HCN1: variants seen among roughly 807,000 people sequenced by gnomAD.
HCN1 encodes potassium/sodium hyperpolarization-activated cyclic nucleotide-gated channel 1.
A neutral mutation model predicts 78.9 loss-of-function variants in HCN1; 13 were observed. That is an observed-to-expected ratio of 0.16 (90% CI 0.11 to 0.26). The LOEUF (loss-of-function observed/expected upper bound fraction) is 0.26, where lower values mean the gene tolerates loss of function less well. Ranked by LOEUF, HCN1 falls within the 10% of genes least tolerant of loss-of-function variation. The probability of loss-of-function intolerance (pLI) is 1.00; values close to 1 mark genes in which losing one functional copy is unlikely to be tolerated. For synonymous variants in HCN1, 552 were observed against 455.5 expected (o/e 1.21, Z -2.70); for missense variants, 810 against 1,154.3 (o/e 0.70, Z 4.32).
rs180902621 is a variant in HCN1, at chr5:45,402,937, G to A, written c.1012-6227C>T. On this transcript the variant is annotated intron_variant, in intron 3 of 7. Transcript: ENST00000303230. The stretch of plus-strand genomic sequence containing the variant: ...GTCTCACTCTTTTATGCAAGCTGGA[G>A]TCCAGTGGCATAACCATAGCTCATA... Among the ~76,000 whole-genome samples the A allele has an allele frequency of 5.2e-3, 741 of 142,104 alleles. 2 individuals are homozygous for A. Among genetic ancestry groups the A allele is most frequent in the African/African-American group, 0.018 (705 of 38,826 alleles). 93.2% of individuals were successfully genotyped at this position (142,104 alleles called of 152,430 possible). A position where few individuals can be genotyped will look rare whatever the true frequency, so the allele number is the denominator to read the frequency against.
At chr5:45,413,702 G>C (rs2112058832) in intron 3 of HCN1, among the ~76,000 whole-genome samples, 1 of 152,060 alleles carries the variant, frequency 6.6e-6, no homozygotes, top group South Asian at 2.1e-4. Flanking sequence ...TGAAGGGGCA[G>C]GAAAACTTGG....
intron 2 of HCN1, among the ~76,000 whole-genome samples, chr5:45,502,840 G>A (rs1415081615): frequency 6.6e-6 from 1 of 152,120 alleles, no homozygotes; most frequent in African/African-American, 2.4e-5. Context: ...AATGTTGACT[G>A]AAGAGGAATT....
At chr5:45,264,873 C>A (rs568245376) in intron 7 of HCN1, among the ~76,000 whole-genome samples, 1 of 152,122 alleles carries the variant, frequency 6.6e-6, no homozygotes, top group Non-Finnish European at 1.5e-5. Context: ...GATTACGAAC[C>A]ATTTCATGTA....
intron 3 of HCN1, among the ~76,000 whole-genome samples, chr5:45,422,885 G>A (rs969148009): frequency 6.6e-6 from 1 of 152,140 alleles, no homozygotes; most frequent in Middle Eastern, 3.2e-3. Context: ...ACTGAGAAGG[G>A]TAGTAGGGAG....
At chr5:45,402,837 T>A (rs1219201714) in intron 3 of HCN1, among the ~76,000 whole-genome samples, 1 of 146,618 alleles carries the variant, frequency 6.8e-6, no homozygotes, top group East Asian at 2.0e-4. Context: ...CCTTCCTTCC[T>A]TCCTTCCTTC....
At chr5:45,313,810 T>G (rs1745913592) in intron 5 of HCN1, among the ~76,000 whole-genome samples, 1 of 151,848 alleles carries the variant, frequency 6.6e-6, no homozygotes, top group South Asian at 2.1e-4. Context: ...GAAGAGAAGT[T>G]TAGAGAAAGA....
At chr5:45,280,441 T>C (rs969293505) in intron 6 of HCN1, among the ~76,000 whole-genome samples, 1 of 152,208 alleles carries the variant, frequency 6.6e-6, no homozygotes, top group African/African-American at 2.4e-5. Flanking sequence ...AGACTAGGGT[T>C]TCTCAACCTC....
intron 2 of HCN1, among the ~76,000 whole-genome samples, chr5:45,534,280 C>T (rs1742919013): frequency 6.6e-6 from 1 of 150,922 alleles, no homozygotes. Flanking sequence ...GCCTATAGTC[C>T]CAGCTACTCG....
intron 4 of HCN1, among the ~76,000 whole-genome samples, chr5:45,357,382 T>C (rs143157167): frequency 2.4e-3 from 368 of 152,214 alleles, no homozygotes; most frequent in African/African-American, 8.3e-3. Flanking sequence ...CTTTATTTAA[T>C]GTATTTAGTC....
chr5:45,631,465 C>G (rs755618959), intron 2 of HCN1, among the ~76,000 whole-genome samples: 2 of 152,102 alleles, frequency 1.3e-5, no homozygotes, highest in Non-Finnish European at 2.9e-5. Flanking sequence ...AGCAGGACCG[C>G]TAGCCCACCT....
chr5:45,430,374 T>G (rs1182038452), intron 3 of HCN1, among the ~76,000 whole-genome samples: 1 of 152,142 alleles, frequency 6.6e-6, no homozygotes, highest in Non-Finnish European at 1.5e-5. Context: ...GTACAGATTA[T>G]TTTGTCATCC....
chr5:45,545,310 T>A (rs1487382781), intron 2 of HCN1, among the ~76,000 whole-genome samples: 4 of 152,212 alleles, frequency 2.6e-5, no homozygotes, highest in Non-Finnish European at 2.9e-5. Context: ...TTTTTTCTTA[T>A]AAATTTGTTT....
intron 2 of HCN1, among the ~76,000 whole-genome samples, chr5:45,524,620 T>C (rs1349288945): frequency 2.0e-5 from 3 of 152,178 alleles, no homozygotes; most frequent in Admixed American, 6.5e-5. Flanking sequence ...TTTGAAGCAA[T>C]TGTGAATGGG....
chr5:45,424,743 T>C (rs1740311198), intron 3 of HCN1, among the ~76,000 whole-genome samples: 1 of 152,170 alleles, frequency 6.6e-6, no homozygotes, highest in Non-Finnish European at 1.5e-5. Context: ...AGTTGCAGTC[T>C]TAGTATTTTA....
chr5:45,607,460 C>A lies in HCN1; in HGVS notation c.849+37725G>T, dbSNP rs1268212242. ...ACATCAAGACCAAGTTGGATTTATTCCAGGAATGTAAAATACAAGTTTGTC... is the reference window on the plus strand; with the variant it reads ...ACATCAAGACCAAGTTGGATTTATTACAGGAATGTAAAATACAAGTTTGTC... On this transcript the variant is annotated intron_variant, in intron 2 of 7. Transcript: ENST00000303230. Among the ~76,000 whole-genome samples, 3 of 151,282 alleles carry A rather than the reference C, an allele frequency of 2.0e-5. No individual in the cohort carries two copies. In the Admixed American group the frequency reaches 2.0e-4, roughly 10 times the overall value.
At chr5:45,315,380 C>T (rs1004172072) in intron 5 of HCN1, among the ~76,000 whole-genome samples, 2 of 152,090 alleles carry the variant, frequency 1.3e-5, no homozygotes, top group Non-Finnish European at 1.5e-5. Flanking sequence ...AACAAAGACA[C>T]AACATGCCAA....
intron 2 of HCN1, among the ~76,000 whole-genome samples, chr5:45,613,232 C>T (rs1469776685): frequency 6.8e-6 from 1 of 147,548 alleles, no homozygotes; most frequent in Non-Finnish European, 1.5e-5. Context: ...TCAATTCCCA[C>T]CTATGAGTGA....
chr5:45,679,676 TTTAA>T lies in HCN1; in HGVS notation c.425+15989_425+15992del, dbSNP rs532850198. The stretch of plus-strand genomic sequence containing the variant: ...TTAAATATGTGAGTGTTGGACTGGC[TTTAA>T]TTGATAAAAAATTGTACTTTCAATA... On this transcript the variant is annotated intron_variant, in intron 1 of 7. Transcript: ENST00000303230. 5.3e-5 allele frequency among the ~76,000 whole-genome samples: 8 copies of T among 152,244 alleles called. No individual in the cohort carries two copies. In the South Asian group the frequency reaches 1.2e-3, roughly 24 times the overall value.
At chr5:45,286,469 G>A (rs1745272310) in intron 6 of HCN1, among the ~76,000 whole-genome samples, 1 of 151,892 alleles carries the variant, frequency 6.6e-6, no homozygotes, top group African/African-American at 2.4e-5. Flanking sequence ...GGATAAATGT[G>A]TACTGAATTA....
Sources: allele counts gnomAD v4.1 joint callset (sites outside exome capture counted in the v4.1 genomes callset), GRCh38; gene constraint gnomAD v4.1.1; transcripts MANE v1.5; gene names NCBI Gene and HGNC (gene_info 2026-07-23, HGNC 2026-07-21).